Variants in ZNF345 observed in about 807,000 individuals in gnomAD.
ZNF345 encodes zinc finger protein 345, also known as zinc finger protein HZF10.
For missense variants in ZNF345, 527 were observed against 589.9 expected (o/e 0.89, Z 1.10); for synonymous variants, 166 against 187.9 (o/e 0.88, Z 0.95).
chr19:36,877,474 C>T lies in ZNF345; in HGVS notation c.644C>T (p.Ser215Leu). Residue 215 changes from serine (S) to leucine (L), a missense_variant, in exon 3 of 3, where the codon TCA (serine) becomes TTA (leucine). Transcript: ENST00000420450. ...IDCGKAFGSGSNLTQHRRIHT... is the reference protein window; with the variant it reads ...IDCGKAFGSGLNLTQHRRIHT... ...TGTGGTAAAGCCTTTGGCAGTGGTT[C>T]AAACCTTACTCAACATCGGCGGATT... is the stretch of plus-strand genomic sequence containing the variant. The T allele has an allele frequency of 1.2e-6, 2 of 1,614,140 alleles. No homozygotes were observed. The highest frequency in any genetic ancestry group is 2.2e-5 in the East Asian group (1 of 44,868).
chr19:36,873,293 G>T (rs1265660754), intron 2 of ZNF345, among the ~76,000 whole-genome samples: 1 of 151,718 alleles, frequency 6.6e-6, no homozygotes, highest in Non-Finnish European at 1.5e-5. Flanking sequence ...GAGTTGCTTT[G>T]GTTGCTTTGT....
chr19:36,866,475 A>G (rs2072662052), intron 2 of ZNF345, among the ~76,000 whole-genome samples: 2 of 152,172 alleles, frequency 1.3e-5, no homozygotes, highest in South Asian at 4.1e-4. Flanking sequence ...ATAACTCCCT[A>G]AAGAATATTA....
At chr19:36,875,386 G>T (rs562201004) in intron 2 of ZNF345, among the ~76,000 whole-genome samples, 6 of 152,256 alleles carry the variant, frequency 3.9e-5, no homozygotes, top group Middle Eastern at 3.4e-3. Context: ...GATATAGGGG[G>T]ACATTTCAGG....
chr19:36,872,116 A>T (rs1047770241), intron 2 of ZNF345, among the ~76,000 whole-genome samples: 8 of 152,140 alleles, frequency 5.3e-5, no homozygotes, highest in Middle Eastern at 3.2e-3. Flanking sequence ...CAATTATTTT[A>T]TAGAATGTCA....
rs1392427564 is a variant in ZNF345 at position 36,876,805 on chromosome 19, C to T, written c.-26C>T. On this transcript the variant is annotated 5_prime_UTR_variant, in exon 3 of 3. Transcript: ENST00000420450. ...TTCAGACTATGAATCAAAGTTGAGA[C>T]CAAGAAATTATTTCTGAAAAAGGAT... The T allele has an allele frequency of 6.5e-7, 1 of 1,549,144 alleles. No individual in the cohort carries two copies.
At chr19:36,868,331 T>A (rs1457246673) in intron 2 of ZNF345, among the ~76,000 whole-genome samples, 1 of 152,144 alleles carries the variant, frequency 6.6e-6, no homozygotes, top group Non-Finnish European at 1.5e-5. Flanking sequence ...TTGCATGTGT[T>A]TATCCAGTTG....
intron 2 of ZNF345, among the ~76,000 whole-genome samples, chr19:36,857,758 C>T (rs2072453168): frequency 6.6e-6 from 1 of 152,102 alleles, no homozygotes; most frequent in Non-Finnish European, 1.5e-5. Flanking sequence ...ATAATGATTT[C>T]ATTTCATTTA....
At chr19:36,886,993 CAA>C (rs57034209) in intron 3 of ZNF345, among the ~76,000 whole-genome samples, 7 of 40,778 alleles carry the variant, frequency 1.7e-4, no homozygotes, top group Non-Finnish European at 1.1e-4. Flanking sequence ...GACTCCGTCT[CAA>C]AAAAAAAAAA....
Position 36,877,290 on chromosome 19 carries a change from G to A in ZNF345, c.460G>A (p.Ala154Thr). ...KPYECKECGKAFSFGSGLIRH... is the reference protein window; with the variant it reads ...KPYECKECGKTFSFGSGLIRH... ...CTATGAGTGTAAGGAATGTGGGAAA[G>A]CCTTTAGTTTTGGATCAGGCCTTAT... is the stretch of plus-strand genomic sequence containing the variant. Residue 154 changes from alanine to threonine, a missense_variant, in exon 3 of 3, where the codon GCC (alanine) becomes ACC (threonine). By Grantham distance (58) the Ala-to-Thr change is moderately conservative (BLOSUM62 0). Transcript: ENST00000420450. The A allele has an allele frequency of 6.2e-7, 1 of 1,614,038 alleles. No individual in the cohort carries two copies. Among genetic ancestry groups the A allele is most frequent in the South Asian group, 1.1e-5 (1 of 91,066 alleles).
rs752160170 is a variant in ZNF345 at position 36,878,270 on chromosome 19, ACT to A, written c.1443_1444del (p.Cys482ArgfsTer19). ...QHKKSHNGKK[L>X]CELETIN ...ATAAGAAAAGTCATAATGGTAAGAA[ACT>A]CTGCGAATTGGAAACTATAAATTGA... On this transcript the variant is annotated frameshift_variant, in exon 3 of 3. Transcript: ENST00000420450. LOFTEE classifies it low-confidence loss of function (END_TRUNC). 74 of 1,580,568 alleles carry A rather than the reference ACT, an allele frequency of 4.7e-5. No individual in the cohort carries two copies. The highest frequency in any genetic ancestry group is 6.0e-5 in the Non-Finnish European group (70 of 1,166,754).
At chr19:36,868,128 G>A (rs1422727957) in intron 2 of ZNF345, among the ~76,000 whole-genome samples, 4 of 150,618 alleles carry the variant, frequency 2.7e-5, no homozygotes, top group Admixed American at 2.0e-4. Context: ...TCAGGCTCCC[G>A]AGTAGCTGGG....
chr19:36,871,673 T>C (rs563115659), intron 2 of ZNF345, among the ~76,000 whole-genome samples: 1 of 152,302 alleles, frequency 6.6e-6, no homozygotes, highest in East Asian at 1.9e-4. Flanking sequence ...TGATCTAGGA[T>C]CCAGTCAAGA....
intron 2 of ZNF345, among the ~76,000 whole-genome samples, chr19:36,875,065 A>G (rs1334440553): frequency 6.6e-6 from 1 of 152,050 alleles, no homozygotes; most frequent in Non-Finnish European, 1.5e-5. Context: ...TTTTTTTTGC[A>G]TGTACCAGAG....
intron 2 of ZNF345, among the ~76,000 whole-genome samples, chr19:36,866,684 G>C (rs557375051): frequency 6.6e-6 from 1 of 152,114 alleles, no homozygotes; most frequent in Non-Finnish European, 1.5e-5. Context: ...AAGTAGCTGG[G>C]ATTACAGGCG....
downstream of ZNF345, among the ~76,000 whole-genome samples, chr19:36,884,151 C>T (rs80092578): frequency 5.3e-3 from 801 of 152,248 alleles, 22 homozygotes; most frequent in Admixed American, 0.038. Flanking sequence ...CTGCAACCTC[C>T]GCCTCCTGGG....
intron 3 of ZNF345, chr19:36,890,853 C>T (rs903496715): frequency 1.3e-5 from 2 of 151,964 alleles, no homozygotes; most frequent in Non-Finnish European, 2.9e-5. Context: ...GAGACTCTGT[C>T]TCAAAATAAA....
chr19:36,885,086 A>G (rs2072989244), intron 3 of ZNF345, among the ~76,000 whole-genome samples: 1 of 152,132 alleles, frequency 6.6e-6, no homozygotes, highest in South Asian at 2.1e-4. Flanking sequence ...CACTCCCACA[A>G]AGAATCTGTA....
intron 3 of ZNF345, chr19:36,892,305 T>C (rs2073063799): frequency 6.2e-7 from 1 of 1,613,880 alleles, no homozygotes; most frequent in Non-Finnish European, 8.5e-7. Flanking sequence ...TAAAGGTCTT[T>C]CCACATATCT....
intron 2 of ZNF345, among the ~76,000 whole-genome samples, chr19:36,859,312 C>T (rs2072494473): frequency 6.6e-6 from 1 of 151,934 alleles, no homozygotes; most frequent in Non-Finnish European, 1.5e-5. Flanking sequence ...TGCACCGCCA[C>T]ACCCAGCTAA....
Sources: allele counts gnomAD v4.1 joint callset (sites outside exome capture counted in the v4.1 genomes callset), GRCh38; gene constraint gnomAD v4.1.1; transcripts MANE v1.5; gene names NCBI Gene and HGNC (gene_info 2026-07-23, HGNC 2026-07-21).